The following LNP1 variants were observed in gnomAD, a reference collection of about 807,000 sequenced individuals.
The protein encoded by LNP1 is leukemia NUP98 fusion partner 1.
A neutral mutation model predicts 14.5 loss-of-function variants in LNP1; 12 were observed. The observed-to-expected ratio is 0.83, with a 90% CI of 0.53 to 1.34. The LOEUF (loss-of-function observed/expected upper bound fraction) is 1.34. Among genes scored for constraint, LNP1 ranks in the 40% most tolerant of loss-of-function variants. The pLI is 0.00. For synonymous variants in LNP1, 75 were observed against 71.4 expected, an observed-to-expected ratio of 1.05 and a Z score of -0.26; for missense variants, 198 against 210.9, an observed-to-expected ratio of 0.94 and a Z score of 0.38.
intron 2 of LNP1, among the ~76,000 whole-genome samples, chr3:100,447,589 A>G (rs1172008984): frequency 1.3e-5 from 2 of 149,454 alleles, no homozygotes; most frequent in African/African-American, 4.9e-5. Flanking sequence ...CCTAGAACTT[A>G]AAGTATAATT....
intron 2 of LNP1, among the ~76,000 whole-genome samples, chr3:100,448,473 G>A (rs755174921): frequency 6.6e-6 from 1 of 152,000 alleles, no homozygotes; most frequent in Non-Finnish European, 1.5e-5. Flanking sequence ...TCTGTTTTTG[G>A]CTGGGTTTAT....
chr3:100,423,041 G>A (rs973432271), intron 1 of LNP1, among the ~76,000 whole-genome samples: 8 of 151,886 alleles, frequency 5.3e-5, no homozygotes, highest in Admixed American at 1.3e-4. Flanking sequence ...ACTATGACAC[G>A]TTGCCACTAA....
chr3:100,424,663 A>G (rs1230237471), intron 1 of LNP1, among the ~76,000 whole-genome samples: 2 of 152,212 alleles, frequency 1.3e-5, no homozygotes, highest in Non-Finnish European at 2.9e-5. Flanking sequence ...GACCACTCTT[A>G]TAATTTAAGG....
intron 2 of LNP1, among the ~76,000 whole-genome samples, chr3:100,446,605 C>T (rs1205140159): frequency 6.6e-6 from 1 of 152,148 alleles, no homozygotes; most frequent in Admixed American, 6.5e-5. Flanking sequence ...CAAATGGGAT[C>T]TAATTAAACT....
intron 3 of LNP1, among the ~76,000 whole-genome samples, chr3:100,453,343 G>A (rs1413354540): frequency 6.6e-6 from 1 of 151,874 alleles, no homozygotes; most frequent in Non-Finnish European, 1.5e-5. Context: ...CACTTTGGAA[G>A]GTTGAGGCCA....
chr3:100,434,907 G>A (rs1046985900), intron 2 of LNP1, among the ~76,000 whole-genome samples: 3 of 150,570 alleles, frequency 2.0e-5, no homozygotes, highest in Non-Finnish European at 4.4e-5. Flanking sequence ...TTACAGTGAT[G>A]AAAGATATTT....
chr3:100,419,146 C>T (rs767443589), intron 1 of LNP1, among the ~76,000 whole-genome samples: 3 of 152,186 alleles, frequency 2.0e-5, no homozygotes, highest in Non-Finnish European at 2.9e-5. Flanking sequence ...TTTTCTGCTA[C>T]AGTTGCTCTA....
rs759484433 is a variant in LNP1 at position 100,429,741 on chromosome 3, A to AGATGAT, written c.26_31dup (p.Asp9_Asp10dup). ...GGCATCACCTTTACATGGAGCACAAAGATGATGATGATGATGATGTGTCTT... is the reference window on the plus strand; with the variant it reads ...GGCATCACCTTTACATGGAGCACAAAGATGATGATGATGATGATGATGATGTGTCTT... On this transcript the variant is annotated inframe_insertion, in exon 2 of 4. Coordinates refer to ENST00000383693, the MANE Select transcript of LNP1 (RefSeq NM_001085451.2). 65 of 1,613,368 alleles carry AGATGAT rather than the reference A, an allele frequency of 4.0e-5. No homozygotes were observed. Among genetic ancestry groups the AGATGAT allele is most frequent in the Non-Finnish European group, 5.3e-5 (63 of 1,179,556 alleles).
intron 1 of LNP1, among the ~76,000 whole-genome samples, chr3:100,424,878 C>T (rs1707177757): frequency 6.6e-6 from 1 of 152,178 alleles, no homozygotes; most frequent in Admixed American, 6.5e-5. Context: ...ATGAAACTAA[C>T]CTGAGTATTG....
At chr3:100,448,039 T>A (rs1360737592) in intron 2 of LNP1, among the ~76,000 whole-genome samples, 6 of 152,202 alleles carry the variant, frequency 3.9e-5, no homozygotes, top group African/African-American at 1.4e-4. Flanking sequence ...ATGATGAGTT[T>A]GTCTACAAGT....
intron 1 of LNP1, among the ~76,000 whole-genome samples, chr3:100,409,698 A>G (rs1385191665): frequency 6.6e-6 from 1 of 150,666 alleles, no homozygotes; most frequent in African/African-American, 2.4e-5. Flanking sequence ...CCTGGGTTCA[A>G]GCGATTCTGC....
chr3:100,413,361 A>T (rs1707048792), intron 1 of LNP1, among the ~76,000 whole-genome samples: 1 of 152,192 alleles, frequency 6.6e-6, no homozygotes, highest in Non-Finnish European at 1.5e-5. Flanking sequence ...CTCAGGGGGA[A>T]TGTCACTTTA....
chr3:100,442,979 C>T (rs1559845869), intron 2 of LNP1, among the ~76,000 whole-genome samples: 1 of 152,074 alleles, frequency 6.6e-6, no homozygotes, highest in African/African-American at 2.4e-5. Flanking sequence ...CAACAACAAA[C>T]AAAAGAACAA....
chr3:100,414,447 C>T (rs1378463957), intron 1 of LNP1, among the ~76,000 whole-genome samples: 2 of 151,400 alleles, frequency 1.3e-5, no homozygotes, highest in East Asian at 3.9e-4. Context: ...CTTGGGAGAC[C>T]GAGGCAGGAG....
chr3:100,402,277 G>A lies in LNP1; in HGVS notation c.-196G>A, dbSNP rs2289503. On this transcript the variant is annotated 5_prime_UTR_variant, in exon 1 of 4. Transcript: ENST00000383693. The stretch of plus-strand genomic sequence containing the variant: ...CTGGTTTGCAGAAGCCTTACATTAA[G>A]ATTTCATAAATGATTGTTTTGCTGT... 112,304 of 152,200 alleles carry A rather than the reference G, an allele frequency of 0.74. 42,348 individuals are homozygous for A. The highest frequency in any genetic ancestry group is 0.93 in the East Asian group (4,852 of 5,192). The allele number at this position is 152,200 out of a possible 1,614,324, so 9.4% of individuals were successfully genotyped here. A position where few individuals can be genotyped will look rare whatever the true frequency, so the allele number is the denominator to read the frequency against.
intron 1 of LNP1, among the ~76,000 whole-genome samples, chr3:100,417,371 C>CTTTTTTTTTTTTTTTTTTTTTTTTT (rs562000656): frequency 1.0e-3 from 66 of 64,630 alleles, no homozygotes; most frequent in Non-Finnish European, 1.5e-3. Context: ...TTTCTTTTTT[C>CTTTTTTTTTTTTTTTTTTTTTTTTT]TTTTTTTTTT....
intron 1 of LNP1, among the ~76,000 whole-genome samples, chr3:100,412,234 T>G (rs918826504): frequency 6.6e-6 from 1 of 152,176 alleles, no homozygotes; most frequent in Non-Finnish European, 1.5e-5. Context: ...CCCACTTTCT[T>G]AGGAACTAAT....
intron 1 of LNP1, among the ~76,000 whole-genome samples, chr3:100,419,060 A>C (rs550529306): frequency 6.6e-6 from 1 of 152,108 alleles, no homozygotes; most frequent in Middle Eastern, 3.2e-3. Context: ...TGACCCCACA[A>C]CCTGCACTTG....
At chr3:100,417,682 A>G (rs1707099646) in intron 1 of LNP1, among the ~76,000 whole-genome samples, 3 of 151,954 alleles carry the variant, frequency 2.0e-5, no homozygotes, top group African/African-American at 4.8e-5. Context: ...CACTGCCGGT[A>G]TACTTTTTCA....
Sources: allele counts gnomAD v4.1 joint callset (sites outside exome capture counted in the v4.1 genomes callset), GRCh38; gene constraint gnomAD v4.1.1; transcripts MANE v1.5; gene names NCBI Gene and HGNC (gene_info 2026-07-23, HGNC 2026-07-21).